The following LETM1 variants were observed in gnomAD, a reference collection of about 807,000 sequenced individuals.
The protein encoded by LETM1 is mitochondrial proton/calcium exchanger protein.
LETM1 carries 50 observed loss-of-function variants against 74.5 expected under a neutral mutation model. The observed-to-expected ratio is 0.67, with a 90% CI of 0.53 to 0.85. The LOEUF (loss-of-function observed/expected upper bound fraction) is 0.85. LETM1 is among the 40% of genes least tolerant of loss of function. The pLI is 0.00. For synonymous variants in LETM1, 446 were observed against 407.1 expected, an observed-to-expected ratio of 1.10 and a Z score of -1.15; for missense variants, 824 against 967.8, an observed-to-expected ratio of 0.85 and a Z score of 1.97.
intron 1 of LETM1, among the ~76,000 whole-genome samples, chr4:1,851,979 AT>A (rs1348047567): frequency 2.0e-5 from 3 of 152,216 alleles, no homozygotes; most frequent in Non-Finnish European, 4.4e-5. Flanking sequence ...GATGGGGATC[AT>A]TGCTCCACGT....
At chr4:1,850,266 G>A (rs923597536) in intron 1 of LETM1, among the ~76,000 whole-genome samples, 1 of 152,076 alleles carries the variant, frequency 6.6e-6, no homozygotes, top group Non-Finnish European at 1.5e-5. Flanking sequence ...CTAAGTGAAG[G>A]GTCTGCCCCA....
At chr4:1,823,379 C>T (rs995471436) in intron 8 of LETM1, among the ~76,000 whole-genome samples, 9 of 152,318 alleles carry the variant, frequency 5.9e-5, no homozygotes, top group African/African-American at 2.2e-4. Context: ...CTCCAAGGGC[C>T]GCGGCCCAGA....
At position 1,814,441 on chromosome 4, in the gene LETM1, C is replaced by A. The variant is rs762737209; in HGVS notation, c.2203G>T (p.Ala735Ser). The A allele has an allele frequency of 2.5e-6, 4 of 1,614,218 alleles. No individual in the cohort carries two copies. The highest frequency in any genetic ancestry group is 2.2e-5 in the South Asian group (2 of 91,082). ...CAGTGGTTCTAGCTCTTCACCTCTG[C>A]GACCTCCTTCTCTGCCTTCTCTTTG... Reference protein sequence around the residue: ...KAKEKAEKEVAEVKS With the variant: ...KAKEKAEKEVSEVKS The change falls in exon 14 of 14, where the codon GCA (alanine) becomes TCA (serine). Residue 735 changes from alanine to serine, a missense_variant. By Grantham distance (99) the Ala-to-Ser change is moderately conservative. Coordinates refer to ENST00000302787, the MANE Select transcript of LETM1 (RefSeq NM_012318.3).
intron 8 of LETM1, among the ~76,000 whole-genome samples, chr4:1,823,407 G>A (rs535976889): frequency 1.2e-4 from 19 of 152,254 alleles, no homozygotes; most frequent in African/African-American, 4.6e-4. Flanking sequence ...CAGCCAACAC[G>A]TGGCCAGGTC....
rs775433211 is a variant in LETM1, at chr4:1,836,425, T to C, written c.738+4A>G. On this transcript the variant is annotated splice_donor_region_variant and intron_variant, in intron 4 of 13. Coordinates refer to ENST00000302787, the MANE Select transcript of LETM1 (RefSeq NM_012318.3). The surrounding 1 kb of genome is among the most constrained non-coding windows in gnomAD (Gnocchi z 5.8). ...AAAACAAGCAGTTGGGATGCTGCCC[T>C]TACCTTGAGTGACTGAGTCTCAAAT... is the stretch of plus-strand genomic sequence containing the variant. 2 of 1,613,790 alleles carry C rather than the reference T, an allele frequency of 1.2e-6. No homozygotes were observed. The highest frequency in any genetic ancestry group is 4.5e-5 in the East Asian group (2 of 44,878).
intron 11 of LETM1, among the ~76,000 whole-genome samples, chr4:1,818,120 G>A (rs953543573): frequency 1.3e-5 from 2 of 151,928 alleles, no homozygotes; most frequent in African/African-American, 2.4e-5. Flanking sequence ...TTTTTCCCAC[G>A]AGTAAACACC....
chr4:1,823,867 C>G (rs1577313149), intron 7 of LETM1, 92 bp from the exon 8 acceptor site: 1 of 1,365,128 alleles, frequency 7.3e-7, no homozygotes, highest in African/African-American at 1.4e-5. Context: ...GAATAGCTCT[C>G]AGAGAAGACA....
chr4:1,849,451 A>G (rs1441551247), intron 1 of LETM1, among the ~76,000 whole-genome samples: 1 of 151,300 alleles, frequency 6.6e-6, no homozygotes, highest in Non-Finnish European at 1.5e-5. Flanking sequence ...TTTAGTAGAG[A>G]CAGGGTTTCA....
Position 1,836,509 on chromosome 4 carries a change from AC to A in LETM1, c.657del (p.Phe220SerfsTer10). 6.2e-7 allele frequency: 1 copy of A among 1,613,988 alleles called. No individual in the cohort carries two copies. The highest frequency in any genetic ancestry group is 8.5e-7 in the Non-Finnish European group (1 of 1,179,986). ...LVPFLVFVVV[P>X]FMEFLLPVAV... ...GCAACAGGCAGCAGAAACTCCATGA[AC>A]GGCACCACCACGAACACAAGGAACG... On this transcript the variant is annotated frameshift_variant, in exon 4 of 14. Coordinates refer to ENST00000302787, the MANE Select transcript of LETM1 (RefSeq NM_012318.3). LOFTEE classifies it high-confidence loss of function. This position sits in a 1 kb window ranked among gnomAD's most constrained non-coding sequence, Gnocchi z 5.8.
Position 1,841,391 on chromosome 4 carries a change from G to A in LETM1, c.550C>T (p.Arg184Cys), listed in dbSNP as rs762433668. The A allele has an allele frequency of 6.2e-6, 10 of 1,613,936 alleles. No individual in the cohort carries two copies. Among genetic ancestry groups the A allele is most frequent in the Non-Finnish European group, 8.5e-6 (10 of 1,180,018 alleles). ...GTCAGGCTGTGGCCGTTGAGGATGC[G>A]CCAGAGCATGCGTGCCGCGATCTTG... ...DTKIAARMLW[R>C]ILNGHSLTRR... The change falls in exon 3 of 14, where the codon CGC (arginine) becomes TGC (cysteine). Residue 184 changes from arginine to cysteine, a missense_variant. Coordinates refer to ENST00000302787, the MANE Select transcript of LETM1 (RefSeq NM_012318.3).
chr4:1,846,941 C>CG (rs1346060163), intron 2 of LETM1, among the ~76,000 whole-genome samples: 1 of 152,104 alleles, frequency 6.6e-6, no homozygotes, highest in African/African-American at 2.4e-5. Context: ...TAGCAACTTA[C>CG]GGGACAGCAA....
intron 10 of LETM1, among the ~76,000 whole-genome samples, chr4:1,820,347 C>T (rs997316848): frequency 2.6e-5 from 4 of 152,194 alleles, no homozygotes; most frequent in African/African-American, 9.7e-5. Flanking sequence ...GGGTGCCATA[C>T]TGTTCAAACC....
chr4:1,816,730 G>A lies in LETM1; in HGVS notation c.1928C>T (p.Thr643Met), dbSNP rs537070207. The change falls in exon 12 of 14, where the codon ACG becomes ATG. Residue 643 changes from threonine (T) to methionine (M), a missense_variant. Transcript: ENST00000302787. ...GKLAPANGMP[T>M]GENVISVAEL... is the part of the protein sequence containing the mutation. ...CCGCGCCCACCACCCCACTCACCCC[G>A]TGGGCATGCCGTTGGCCGGGGCCAG... is the stretch of plus-strand genomic sequence containing the variant. The A allele has an allele frequency of 3.1e-6, 5 of 1,613,844 alleles. No homozygotes were observed. In the South Asian group the frequency reaches 3.3e-5, roughly 11 times the overall value.
In LETM1 at chr4:1,814,406, G is replaced by A. The variant is rs1722550373; in HGVS notation, c.*18C>T. The A allele has an allele frequency of 4.3e-6, 7 of 1,614,076 alleles. No homozygotes were observed. The highest frequency in any genetic ancestry group is 5.9e-6 in the Non-Finnish European group (7 of 1,179,988). ...GGGTGACGGCACAGCAGGAGGACAG[G>A]TGCCCAGGCCAGTGGTTCTAGCTCT... On this transcript the variant is annotated 3_prime_UTR_variant, in exon 14 of 14. Transcript: ENST00000302787.
At chr4:1,845,469 A>G (rs1429051541) in intron 2 of LETM1, among the ~76,000 whole-genome samples, 1 of 151,762 alleles carries the variant, frequency 6.6e-6, no homozygotes, top group Non-Finnish European at 1.5e-5. Context: ...AGGTGTTTAT[A>G]TTGTGTGACC....
rs1049951471 is a variant in LETM1, at chr4:1,812,560, A to T, written c.*1864T>A. 9 of 152,294 alleles carry T rather than the reference A, an allele frequency of 5.9e-5. No individual in the cohort carries two copies. Among genetic ancestry groups the T allele is most frequent in the African/African-American group, 2.2e-4 (9 of 41,414 alleles). 9.4% of individuals were successfully genotyped at this position (152,294 alleles called of 1,614,324 possible). On this transcript the variant is annotated 3_prime_UTR_variant, in exon 14 of 14. Coordinates refer to ENST00000302787, the MANE Select transcript of LETM1 (RefSeq NM_012318.3). ...TTAAGAAGCTTATTACACAAAGCTCATATTTCTGGATCCACCACTGCTTAC... is the reference window on the plus strand; with the variant it reads ...TTAAGAAGCTTATTACACAAAGCTCTTATTTCTGGATCCACCACTGCTTAC...
chr4:1,845,703 C>A (rs1054086929), intron 2 of LETM1, among the ~76,000 whole-genome samples: 8 of 151,730 alleles, frequency 5.3e-5, no homozygotes, highest in Non-Finnish European at 2.9e-5. Flanking sequence ...TGTGCCACCA[C>A]GCCCAGGTAA....
chr4:1,834,323 A>C lies in LETM1; in HGVS notation c.876+522T>G. The C allele has an allele frequency of 2.2e-6, 2 of 925,562 alleles. No homozygotes were observed. The highest frequency in any genetic ancestry group is 1.3e-6 in the Non-Finnish European group (1 of 774,860). 57.3% of individuals were successfully genotyped at this position (925,562 alleles called of 1,614,324 possible). ...GCCTCGTGAACCCCATCTAGTCCTC[A>C]GGGATCTCGGTCCGTGGCAGCTGCC... On this transcript the variant is annotated intron_variant, in intron 5 of 13. Transcript: ENST00000302787. This position sits in a 1 kb window ranked among gnomAD's most constrained non-coding sequence, Gnocchi z 5.0.
chr4:1,827,735 ACCTTTCCCG>A (rs1283920482), intron 6 of LETM1, among the ~76,000 whole-genome samples: 1 of 145,450 alleles, frequency 6.9e-6, no homozygotes, highest in East Asian at 2.1e-4. Flanking sequence ...TCTTTTCCCC[ACCTTTCCCG>A]CCTTTCTATT....
Sources: gnomAD v4.1 joint callset for allele counts (sites outside exome capture counted in the v4.1 genomes callset) on GRCh38, gnomAD v4.1.1 for gene constraint, Gnocchi (gnomAD v3.1) non-coding constraint, MANE v1.5 for transcripts, NCBI Gene and HGNC (gene_info 2026-07-23, HGNC 2026-07-21) for gene names.